RPS6KC1: variants seen among roughly 807,000 people sequenced by gnomAD.
RPS6KC1 encodes ribosomal protein S6 kinase C1.
In RPS6KC1, 54 loss-of-function variants were observed where a neutral mutation model predicts 103.8. The ratio of observed to expected loss-of-function variants is 0.52; its 90% confidence interval spans 0.42 to 0.65. RPS6KC1 has a LOEUF of 0.65. RPS6KC1 is among the 30% of genes least tolerant of loss of function. The pLI is 0.00. For synonymous variants in RPS6KC1, 439 were observed against 438.7 expected, an observed-to-expected ratio of 1.00 and a Z score of -0.01; for missense variants, 1,151 against 1,253.8, an observed-to-expected ratio of 0.92 and a Z score of 1.24.
chr1:213,094,127 A>G (rs1002062904), intron 3 of RPS6KC1, among the ~76,000 whole-genome samples: 4 of 150,578 alleles, frequency 2.7e-5, no homozygotes, highest in Non-Finnish European at 5.9e-5. Context: ...ACACATATAT[A>G]TACGTTTTTT....
chr1:213,838,726 C>T, the RPS6KC1 span, among the ~76,000 whole-genome samples: 14 of 152,174 alleles, frequency 9.2e-5, no homozygotes, highest in Non-Finnish European at 1.8e-4. Context: ...GGAGCTGGTG[C>T]GCAGGACCAG....
chr1:213,201,255 A>T (rs1408809539), intron 8 of RPS6KC1, among the ~76,000 whole-genome samples: 2 of 152,262 alleles, frequency 1.3e-5, no homozygotes, highest in Non-Finnish European at 2.9e-5. Context: ...GTACATTTAG[A>T]CAATGGAATG....
At chr1:213,536,464 A>C in the RPS6KC1 span, among the ~76,000 whole-genome samples, 5,128 of 152,320 alleles carry the variant, frequency 0.034, 480 homozygotes, top group East Asian at 0.28. Flanking sequence ...TATAAACTGC[A>C]TGAGGACAGA....
chr1:213,662,557 C>T, the RPS6KC1 span, among the ~76,000 whole-genome samples: 8 of 151,674 alleles, frequency 5.3e-5, no homozygotes, highest in South Asian at 8.3e-4. Context: ...GGGTTACAGG[C>T]GTGAGCCACT....
intron 10 of RPS6KC1, among the ~76,000 whole-genome samples, chr1:213,235,182 C>T (rs1277932285): frequency 6.6e-6 from 1 of 152,224 alleles, no homozygotes; most frequent in East Asian, 1.9e-4. Flanking sequence ...TAGCTTTCCA[C>T]TGCTTACAGA....
chr1:213,611,265 C>T, the RPS6KC1 span, among the ~76,000 whole-genome samples: 3 of 152,130 alleles, frequency 2.0e-5, no homozygotes, highest in Admixed American at 6.5e-5. Context: ...GCAGAAATAA[C>T]CCATCTGCTT....
At chr1:213,752,460 G>C in the RPS6KC1 span, among the ~76,000 whole-genome samples, 1 of 152,132 alleles carries the variant, frequency 6.6e-6, no homozygotes, top group Non-Finnish European at 1.5e-5. Flanking sequence ...TCTTAACCTA[G>C]TCATAAACTA....
chr1:213,072,778 C>T (rs1207491543), intron 2 of RPS6KC1: 2 of 164,148 alleles, frequency 1.2e-5, no homozygotes, highest in Admixed American at 1.3e-4. Flanking sequence ...TTCTAGTTTA[C>T]AACTCTTAAA....
intron 5 of RPS6KC1, among the ~76,000 whole-genome samples, chr1:213,119,463 T>TGAG (rs1248163669): frequency 2.9e-4 from 3 of 10,462 alleles, no homozygotes; most frequent in African/African-American, 4.1e-4. Flanking sequence ...TATATATATA[T>TGAG]ATATATATAT....
the RPS6KC1 span, among the ~76,000 whole-genome samples, chr1:213,689,555 A>T: frequency 6.6e-6 from 1 of 152,220 alleles, no homozygotes; most frequent in Non-Finnish European, 1.5e-5. Flanking sequence ...CGTGACAGTC[A>T]ATCCAATTCC....
At chr1:213,138,757 G>A (rs1350026690) in intron 6 of RPS6KC1, among the ~76,000 whole-genome samples, 6 of 152,064 alleles carry the variant, frequency 3.9e-5, no homozygotes, top group East Asian at 1.9e-4. Flanking sequence ...CCAGTTCACC[G>A]TTGATGGGCA....
the RPS6KC1 span, among the ~76,000 whole-genome samples, chr1:213,591,120 T>C: frequency 6.6e-6 from 1 of 152,180 alleles, no homozygotes; most frequent in African/African-American, 2.4e-5. Flanking sequence ...ACGATGCCTT[T>C]CTCAGGTGAG....
At chr1:213,073,590 A>G (rs1035151822) in intron 2 of RPS6KC1, among the ~76,000 whole-genome samples, 1 of 152,210 alleles carries the variant, frequency 6.6e-6, no homozygotes, top group African/African-American at 2.4e-5. Flanking sequence ...AAGAACTGAA[A>G]CAGGACTTTC....
the RPS6KC1 span, among the ~76,000 whole-genome samples, chr1:213,715,260 G>A: frequency 6.6e-6 from 1 of 152,248 alleles, no homozygotes; most frequent in South Asian, 2.1e-4. Flanking sequence ...TATAAGGATG[G>A]CAAATCTCTG....
the RPS6KC1 span, among the ~76,000 whole-genome samples, chr1:213,760,195 T>G: frequency 2.6e-5 from 4 of 152,226 alleles, no homozygotes; most frequent in Non-Finnish European, 4.4e-5. Context: ...TTAGAGTTTC[T>G]AATATTTAAT....
the RPS6KC1 span, among the ~76,000 whole-genome samples, chr1:213,321,027 A>G: frequency 5.3e-5 from 8 of 152,072 alleles, no homozygotes; most frequent in African/African-American, 1.9e-4. Context: ...GAAGTCCCAT[A>G]TTTTTGTGAG....
chr1:213,151,617 A>G (rs1418987401), intron 6 of RPS6KC1, among the ~76,000 whole-genome samples: 1 of 60,724 alleles, frequency 1.6e-5, no homozygotes, highest in Non-Finnish European at 3.2e-5. Context: ...CCCCACCTCC[A>G]TCCCAGACGG....
the RPS6KC1 span, among the ~76,000 whole-genome samples, chr1:213,282,481 T>C: frequency 0.98 from 149,866 of 152,364 alleles, 73,761 homozygotes; most frequent in East Asian, 1. Flanking sequence ...GCACAGGGAG[T>C]GCATGATAAC....
the RPS6KC1 span, among the ~76,000 whole-genome samples, chr1:213,428,522 T>TTC: frequency 4.5e-3 from 206 of 45,816 alleles, 2 homozygotes; most frequent in African/African-American, 0.014. Flanking sequence ...TCCTTCCTCT[T>TTC]TCTCTCTCTC....
Sources: gnomAD v4.1 joint callset for allele counts (sites outside exome capture counted in the v4.1 genomes callset) on GRCh38, gnomAD v4.1.1 for gene constraint, MANE v1.5 for transcripts, NCBI Gene and HGNC (gene_info 2026-07-23, HGNC 2026-07-21) for gene names.